The following SENP7 variants were observed in gnomAD, a reference collection of about 807,000 sequenced individuals.
The protein encoded by SENP7 is sentrin-specific protease 7.
A neutral mutation model predicts 141.2 loss-of-function variants in SENP7; 64 were observed. The observed-to-expected ratio is 0.45, with a 90% CI of 0.37 to 0.56. The LOEUF (loss-of-function observed/expected upper bound fraction) is 0.56. Among genes scored for constraint, SENP7 ranks in the 20% least tolerant of loss-of-function variants. SENP7 has a pLI of 0.00. For missense variants in SENP7, 1,025 were observed against 1,212.2 expected, an observed-to-expected ratio of 0.85 and a Z score of 2.29; for synonymous variants, 382 against 426.4, an observed-to-expected ratio of 0.90 and a Z score of 1.28.
At chr3:101,384,779 C>T (rs2553425) in intron 6 of SENP7, among the ~76,000 whole-genome samples, 2 of 152,002 alleles carry the variant, frequency 1.3e-5, no homozygotes, top group Non-Finnish European at 2.9e-5. Flanking sequence ...AAAACTCAGG[C>T]AAAGAGGTCA....
intron 9 of SENP7, 52 bp from the exon 10 acceptor site, chr3:101,365,043 T>A: frequency 8.1e-7 from 1 of 1,229,160 alleles, no homozygotes; most frequent in Non-Finnish European, 1.1e-6. Context: ...TTTATTTATT[T>A]ATTTTTTGAG....
intron 3 of SENP7, among the ~76,000 whole-genome samples, chr3:101,483,965 T>C (rs1198373885): frequency 6.6e-6 from 1 of 152,056 alleles, no homozygotes; most frequent in Non-Finnish European, 1.5e-5. Context: ...AGACGGCGGT[T>C]GCAGTAAGCT....
At chr3:101,331,127 TGGTATA>T (rs2059037462) in intron 19 of SENP7, among the ~76,000 whole-genome samples, 3 of 152,046 alleles carry the variant, frequency 2.0e-5, no homozygotes, top group African/African-American at 7.2e-5. Flanking sequence ...TTTTTTAAAA[TGGTATA>T]ATACTATTAA....
At chr3:101,499,211 T>C (rs900310575) in intron 2 of SENP7, among the ~76,000 whole-genome samples, 1 of 152,184 alleles carries the variant, frequency 6.6e-6, no homozygotes, top group African/African-American at 2.4e-5. Flanking sequence ...TCAGTATTAA[T>C]TTCTAATGGC....
intron 5 of SENP7, among the ~76,000 whole-genome samples, chr3:101,410,585 G>A (rs922105186): frequency 5.3e-5 from 8 of 152,114 alleles, no homozygotes; most frequent in African/African-American, 1.7e-4. Context: ...AGTGGCTGAC[G>A]CCTGTAATCC....
At chr3:101,396,419 A>G (rs757712987) in intron 6 of SENP7, among the ~76,000 whole-genome samples, 10 of 152,188 alleles carry the variant, frequency 6.6e-5, no homozygotes, top group Non-Finnish European at 1.5e-4. Context: ...GGGCAATGGC[A>G]CATCATAAGT....
chr3:101,413,566 T>C (rs1250003233), intron 5 of SENP7, among the ~76,000 whole-genome samples: 6 of 152,156 alleles, frequency 3.9e-5, no homozygotes, highest in Admixed American at 3.9e-4. Context: ...AAATAAAATA[T>C]AGTTCCTATC....
Position 101,493,981 on chromosome 3 carries a change from T to A in SENP7, c.91-13A>T. On this transcript the variant is annotated splice_polypyrimidine_tract_variant and intron_variant, in intron 2 of 23. Coordinates refer to ENST00000394095, the MANE Select transcript of SENP7 (RefSeq NM_020654.5). ...ACATCTTTCTTATCTGAAAATAGGA[T>A]GAGAAAATAATTAGTTTAATTGAAC... is the stretch of plus-strand genomic sequence containing the variant. The A allele has an allele frequency of 1.3e-6, 2 of 1,532,974 alleles. No individual in the cohort carries two copies. The highest frequency in any genetic ancestry group is 1.1e-5 in the South Asian group (1 of 88,892). 95.0% of individuals were successfully genotyped at this position (1,532,974 alleles called of 1,614,324 possible).
chr3:101,397,713 A>C (rs1019716421), intron 6 of SENP7, among the ~76,000 whole-genome samples: 2 of 152,226 alleles, frequency 1.3e-5, no homozygotes, highest in African/African-American at 2.4e-5. Flanking sequence ...GTACTATTTA[A>C]TGTAATTAGG....
intron 4 of SENP7, among the ~76,000 whole-genome samples, chr3:101,453,602 A>AT (rs2063234241): frequency 1.3e-5 from 2 of 151,546 alleles, no homozygotes; most frequent in Non-Finnish European, 2.9e-5. Flanking sequence ...CATTCTCAGT[A>AT]AACTATCGCA....
At chr3:101,421,331 T>C (rs1341454158) in intron 4 of SENP7, among the ~76,000 whole-genome samples, 3 of 151,802 alleles carry the variant, frequency 2.0e-5, no homozygotes, top group African/African-American at 7.3e-5. Context: ...CAGTCTATTA[T>C]TTATACATTT....
At chr3:101,463,364 A>AATATATATATATATATATAT (rs71625265) in intron 3 of SENP7, among the ~76,000 whole-genome samples, 10 of 89,212 alleles carry the variant, frequency 1.1e-4, no homozygotes, top group South Asian at 3.6e-4. Context: ...TAAATAAATA[A>AATATATATATATATATATAT]ATATATATAT....
chr3:101,373,403 T>C (rs1042866743), intron 6 of SENP7, among the ~76,000 whole-genome samples: 1 of 151,960 alleles, frequency 6.6e-6, no homozygotes, highest in South Asian at 2.1e-4. Flanking sequence ...TCAAAAAAAA[T>C]TTGTCCTCCC....
At chr3:101,432,180 G>A (rs2062206184) in intron 4 of SENP7, among the ~76,000 whole-genome samples, 1 of 152,224 alleles carries the variant, frequency 6.6e-6, no homozygotes, top group Non-Finnish European at 1.5e-5. Flanking sequence ...GGATAGCAAT[G>A]GCTATGGGGT....
In SENP7 at chr3:101,500,961, A is replaced by G. The variant is rs1361388499; in HGVS notation, c.90+109T>C. On this transcript the variant is annotated intron_variant, in intron 2 of 23. Coordinates refer to ENST00000394095, the MANE Select transcript of SENP7 (RefSeq NM_020654.5). ...ACACCACTCTCCCAAAACACTGACT[A>G]AAGTTTTATACTGTTTTCTTTAAAA... 6 of 763,020 alleles carry G rather than the reference A, an allele frequency of 7.9e-6. No homozygotes were observed. In the Admixed American group the frequency reaches 1.2e-4, roughly 16 times the overall value. 47.3% of individuals were successfully genotyped at this position (763,020 alleles called of 1,614,324 possible). A position where few individuals can be genotyped will look rare whatever the true frequency, so the allele number is the denominator to read the frequency against.
intron 4 of SENP7, among the ~76,000 whole-genome samples, chr3:101,450,234 G>A (rs999378349): frequency 3.9e-5 from 6 of 152,218 alleles, no homozygotes; most frequent in Admixed American, 3.3e-4. Context: ...GACCTAGAAA[G>A]AGAGTTAAGA....
rs1320975017 is a variant in SENP7 at position 101,513,071 on chromosome 3, C to G, written c.40+20G>C. Reference sequence around the variant, plus strand: ...CGGGTAGGAGACAATATGTTCAGCCCTTCTCTGACCCTTTCTCACCGGATG... The same window carrying G: ...CGGGTAGGAGACAATATGTTCAGCCGTTCTCTGACCCTTTCTCACCGGATG... On this transcript the variant is annotated intron_variant, in intron 1 of 23. Coordinates refer to ENST00000394095, the MANE Select transcript of SENP7 (RefSeq NM_020654.5). The G allele has an allele frequency of 4.3e-6, 7 of 1,613,270 alleles. No homozygotes were observed. Among genetic ancestry groups the G allele is most frequent in the Non-Finnish European group, 5.9e-6 (7 of 1,179,394 alleles).
chr3:101,442,189 C>CA (rs1160423464), intron 4 of SENP7, among the ~76,000 whole-genome samples: 1 of 152,150 alleles, frequency 6.6e-6, no homozygotes, highest in Non-Finnish European at 1.5e-5. Flanking sequence ...TAACGTAACA[C>CA]AGAGAAAAAT....
rs368202213 is a variant in SENP7, at chr3:101,417,664, C to A, written c.411G>T (p.Ser137=). 6.2e-7 allele frequency: 1 copy of A among 1,613,758 alleles called. No individual in the cohort carries two copies. Among genetic ancestry groups the A allele is most frequent in the African/African-American group, 1.3e-5 (1 of 74,906 alleles). Residue 137 remains serine, a synonymous_variant, in exon 5 of 24, where the codon TCG becomes TCT. Coordinates refer to ENST00000394095, the MANE Select transcript of SENP7 (RefSeq NM_020654.5). ...ATGTCTCTAGGCTGTCAACAGATGTCGAAGGCAATGAGTCTGATTGCACCT... is the reference window on the plus strand; with the variant it reads ...ATGTCTCTAGGCTGTCAACAGATGTAGAAGGCAATGAGTCTGATTGCACCT... ...ANKVQSDSLP[S]TSVDSLETCQ...
Sources: gnomAD v4.1 joint callset for allele counts (sites outside exome capture counted in the v4.1 genomes callset) on GRCh38, gnomAD v4.1.1 for gene constraint, MANE v1.5 for transcripts, NCBI Gene and HGNC (gene_info 2026-07-23, HGNC 2026-07-21) for gene names.